The following NALF1 variants were observed in gnomAD, a reference collection of about 807,000 sequenced individuals.
The protein encoded by NALF1 is family with sequence similarity 155 member A.
NALF1 carries 3 observed loss-of-function variants against 48.4 expected under a neutral mutation model. The observed-to-expected ratio is 0.06, with a 90% CI of 0.03 to 0.16. NALF1 has a LOEUF of 0.16. Among genes scored for constraint, NALF1 ranks in the 10% least tolerant of loss-of-function variants. NALF1 has a pLI of 1.00. For missense variants in NALF1, 526 were observed against 571.5 expected (o/e 0.92, Z 0.81); for synonymous variants, 262 against 245.7 (o/e 1.07, Z -0.62).
At chr13:107,557,102 G>GTA (rs1484892552) in intron 1 of NALF1, among the ~76,000 whole-genome samples, 1 of 152,090 alleles carries the variant, frequency 6.6e-6, no homozygotes, top group Non-Finnish European at 1.5e-5. Context: ...CAAAAAGGTA[G>GTA]TATCTGTTCT....
At chr13:107,588,356 T>TAAGCTA (rs1878514651) in intron 1 of NALF1, among the ~76,000 whole-genome samples, 1 of 152,092 alleles carries the variant, frequency 6.6e-6, no homozygotes, top group Non-Finnish European at 1.5e-5. Context: ...CTGGAAAGAC[T>TAAGCTA]AAGCTGAGAA....
At chr13:107,461,632 C>A (rs1007111524) in intron 1 of NALF1, among the ~76,000 whole-genome samples, 2 of 152,006 alleles carry the variant, frequency 1.3e-5, no homozygotes, top group Admixed American at 6.5e-5. Flanking sequence ...GTTTTCAAAA[C>A]TTTTTTTTGA....
chr13:107,713,233 C>T (rs561518461), intron 1 of NALF1, among the ~76,000 whole-genome samples: 2 of 152,286 alleles, frequency 1.3e-5, no homozygotes, highest in East Asian at 1.9e-4. Flanking sequence ...ATTTCACATA[C>T]GGATTATCCT....
At chr13:107,375,775 A>G (rs1883325118) in intron 1 of NALF1, among the ~76,000 whole-genome samples, 2 of 152,170 alleles carry the variant, frequency 1.3e-5, no homozygotes, top group South Asian at 4.1e-4. Flanking sequence ...GTAAAAAGAA[A>G]AGAATGTTCT....
At chr13:107,491,693 G>A (rs1875118514) in intron 1 of NALF1, among the ~76,000 whole-genome samples, 1 of 152,062 alleles carries the variant, frequency 6.6e-6, no homozygotes, top group South Asian at 2.1e-4. Flanking sequence ...TTAATGTCTT[G>A]TTTGTGCCAT....
chr13:107,630,690 G>C (rs1879812454), intron 1 of NALF1, among the ~76,000 whole-genome samples: 1 of 151,918 alleles, frequency 6.6e-6, no homozygotes, highest in Admixed American at 6.6e-5. Context: ...TCTAAATCTG[G>C]CATAAAAAGG....
At chr13:107,417,117 T>C (rs982768169) in intron 1 of NALF1, among the ~76,000 whole-genome samples, 2 of 152,244 alleles carry the variant, frequency 1.3e-5, no homozygotes, top group East Asian at 3.8e-4. Context: ...TGGGACACAA[T>C]GCATACTGTT....
At chr13:107,280,329 G>A (rs145385898) in intron 1 of NALF1, among the ~76,000 whole-genome samples, 79 of 152,098 alleles carry the variant, frequency 5.2e-4, no homozygotes, top group African/African-American at 1.8e-3. Context: ...TTAAAAACTC[G>A]AATTATGCTA....
chr13:107,199,472 C>T (rs769001386), intron 2 of NALF1, among the ~76,000 whole-genome samples: 8 of 152,102 alleles, frequency 5.3e-5, no homozygotes, highest in African/African-American at 1.9e-4. Context: ...ACTTGAAGAG[C>T]TCCATAACCA....
At chr13:107,660,024 C>A (rs1880686455) in intron 1 of NALF1, among the ~76,000 whole-genome samples, 1 of 152,106 alleles carries the variant, frequency 6.6e-6, no homozygotes, top group Middle Eastern at 3.4e-3. Flanking sequence ...AGCCACCGCA[C>A]CTGGCCAAAT....
intron 1 of NALF1, among the ~76,000 whole-genome samples, chr13:107,564,067 T>C (rs548836887): frequency 6.6e-6 from 1 of 152,282 alleles, no homozygotes; most frequent in Non-Finnish European, 1.5e-5. Context: ...CTTAGCACTT[T>C]GGAATATACG....
intron 1 of NALF1, among the ~76,000 whole-genome samples, chr13:107,491,793 T>C (rs971803363): frequency 1.3e-5 from 2 of 152,148 alleles, no homozygotes; most frequent in African/African-American, 2.4e-5. Flanking sequence ...TAAATTATAG[T>C]GCACATTTAA....
chr13:107,357,136 G>C (rs1038694131), intron 1 of NALF1, among the ~76,000 whole-genome samples: 1 of 152,168 alleles, frequency 6.6e-6, no homozygotes, highest in African/African-American at 2.4e-5. Context: ...AAATACCCGA[G>C]ACTGGGTAAT....
intron 1 of NALF1, among the ~76,000 whole-genome samples, chr13:107,684,288 G>C (rs756398653): frequency 2.0e-5 from 3 of 152,184 alleles, no homozygotes; most frequent in Non-Finnish European, 2.9e-5. Context: ...TCTCAGAAGA[G>C]TTTCTTGATG....
chr13:107,733,230 G>A (rs1876365512), intron 1 of NALF1, among the ~76,000 whole-genome samples: 1 of 152,124 alleles, frequency 6.6e-6, no homozygotes, highest in Non-Finnish European at 1.5e-5. Context: ...TCTAGTCTGA[G>A]CCTAGCAACC....
At chr13:107,757,287 G>T (rs1320773245) in intron 1 of NALF1, among the ~76,000 whole-genome samples, 3 of 152,190 alleles carry the variant, frequency 2.0e-5, no homozygotes, top group Admixed American at 6.5e-5. Flanking sequence ...TGTTACTGGG[G>T]TGGGACGGAG....
At chr13:107,347,074 A>C (rs1303056197) in intron 1 of NALF1, among the ~76,000 whole-genome samples, 1 of 152,234 alleles carries the variant, frequency 6.6e-6, no homozygotes, top group African/African-American at 2.4e-5. Context: ...GATTATATTT[A>C]TCTTCATATA....
chr13:107,344,346 A>G (rs941175945), intron 1 of NALF1, among the ~76,000 whole-genome samples: 1 of 152,182 alleles, frequency 6.6e-6, no homozygotes, highest in Non-Finnish European at 1.5e-5. Context: ...TGAGTCCATC[A>G]TTACTCTGAT....
intron 1 of NALF1, among the ~76,000 whole-genome samples, chr13:107,363,786 AAATAAAAGC>A (rs1461413050): frequency 1.3e-5 from 2 of 152,210 alleles, no homozygotes; most frequent in African/African-American, 4.8e-5. Context: ...TGGTCTTGAT[AAATAAAAGC>A]ATAAAACATT....
Sources: gnomAD v4.1 joint callset for allele counts (sites outside exome capture counted in the v4.1 genomes callset) on GRCh38, gnomAD v4.1.1 for gene constraint, MANE v1.5 for transcripts, NCBI Gene and HGNC (gene_info 2026-07-23, HGNC 2026-07-21) for gene names.